FIZ1: variants seen among roughly 807,000 people sequenced by gnomAD.
FIZ1 encodes the protein flt3-interacting zinc finger protein 1.
A neutral mutation model predicts 5.3 loss-of-function variants in FIZ1; 2 were observed. The observed-to-expected ratio is 0.37, with a 90% CI of 0.15 to 1.18. The LOEUF is 1.18. Among genes scored for constraint, FIZ1 ranks in the 50% most tolerant of loss-of-function variants. The pLI, the probability that FIZ1 is intolerant of heterozygous loss-of-function variation, is 0.37. For missense variants in FIZ1, 631 were observed against 749.7 expected (o/e 0.84, Z 1.85); for synonymous variants, 407 against 364.2 (o/e 1.12, Z -1.34).
chr19:55,593,571 G>A lies in FIZ1; in HGVS notation c.370C>T (p.Arg124Cys). ...CCACGGTGCTGGCGCTTGAGGTGGC[G>A]GCCCAGGCTGGAGCGTGAGGAGAAG... ...LRFSSRSSLGRHLKRQHRGVL... is the reference protein window; with the variant it reads ...LRFSSRSSLGCHLKRQHRGVL... The change falls in exon 3 of 3, where the codon CGC becomes TGC. Residue 124 changes from arginine to cysteine, a missense_variant. This residue lies in a region of FIZ1 where 68 missense variants were observed against 163.4 expected (regional missense o/e 0.42). Transcript: ENST00000221665. This position sits in a 1 kb window ranked among gnomAD's most constrained non-coding sequence, Gnocchi z 6.3. 1 of 1,551,254 alleles carries A rather than the reference G, an allele frequency of 6.4e-7. No individual in the cohort carries two copies. Among genetic ancestry groups the A allele is most frequent in the Non-Finnish European group, 8.7e-7 (1 of 1,146,980 alleles).
In FIZ1 at chr19:55,592,692, AGCAGCCGAAGATCTTCTTGCCGCG is replaced by A; in HGVS notation, c.1225_1248del (p.Arg409_Cys416del). 6.2e-7 allele frequency: 1 copy of A among 1,613,128 alleles called. No individual in the cohort carries two copies. ...GAGCGGAACAGCTTCTCGCACTCGGAGCAGCCGAAGATCTTCTTGCCGCGGCCGGAGCCAGACGGGGGTTCCCCG... is the reference window on the plus strand; with the variant it reads ...GAGCGGAACAGCTTCTCGCACTCGGAGCCGGAGCCAGACGGGGGTTCCCCG... On this transcript the variant is annotated inframe_deletion, in exon 3 of 3. Transcript: ENST00000221665. The surrounding 1 kb of genome is among the most constrained non-coding windows in gnomAD (Gnocchi z 6.9).
At chr19:55,597,412 T>G (rs1207251076) in intron 2 of FIZ1, among the ~76,000 whole-genome samples, 160 bp downstream of exon 2, 1 of 152,034 alleles carries the variant, frequency 6.6e-6, no homozygotes, top group African/African-American at 2.4e-5. Context: ...CTTTCAAGGG[T>G]CAGGGTGCTT....
At chr19:55,596,562 A>G (rs1345716836) in intron 2 of FIZ1, among the ~76,000 whole-genome samples, 1 of 151,130 alleles carries the variant, frequency 6.6e-6, no homozygotes, top group Admixed American at 6.6e-5. Context: ...CCCAGGGAGG[A>G]TTCCTCACAC....
chr19:55,599,190 C>T (rs1395249024), intron 1 of FIZ1: 1 of 152,980 alleles, frequency 6.5e-6, no homozygotes, highest in Non-Finnish European at 1.5e-5. Context: ...CTTGCTCCGC[C>T]CCAGCAGCCA....
At chr19:55,597,285 G>A (rs1980370137) in intron 2 of FIZ1, among the ~76,000 whole-genome samples, 1 of 152,258 alleles carries the variant, frequency 6.6e-6, no homozygotes, top group Non-Finnish European at 1.5e-5. Context: ...AGATGCTGGT[G>A]CGTGCACGCG....
rs1980088541 is a variant in FIZ1, at chr19:55,592,847, G to A, written c.1094C>T (p.Ala365Val). ...CAAGGCGGCCAGCGCCGCGTACAGA[G>A]CCCCGCAGTGGCCGCAGCCGTAGGT... The part of the protein sequence containing the change: ...PATYGCGHCG[A>V]LYAALAALEE... The change falls in exon 3 of 3, where the codon GCT (alanine) becomes GTT (valine). Residue 365 changes from alanine to valine, a missense_variant. Transcript: ENST00000221665. This position sits in a 1 kb window ranked among gnomAD's most constrained non-coding sequence, Gnocchi z 6.9. 1 of 1,555,346 alleles carries A rather than the reference G, an allele frequency of 6.4e-7. No homozygotes were observed. Among genetic ancestry groups the A allele is most frequent in the Non-Finnish European group, 8.6e-7 (1 of 1,156,438 alleles).
intron 2 of FIZ1, 60 bp downstream of exon 2, chr19:55,597,512 C>T (rs891058209): frequency 5.7e-5 from 88 of 1,549,050 alleles, no homozygotes; most frequent in Non-Finnish European, 2.0e-5. Flanking sequence ...CAGTGGGGCG[C>T]GGGATCCCAC....
In FIZ1 at chr19:55,597,576, T is replaced by C; in HGVS notation, c.290A>G (p.His97Arg). The C allele has an allele frequency of 6.2e-7, 1 of 1,609,830 alleles. No homozygotes were observed. Among genetic ancestry groups the C allele is most frequent in the South Asian group, 1.1e-5 (1 of 90,934 alleles). Reference protein sequence around the residue: ...GFRDSTGLLHHQVVHTGEKPY... With the variant: ...GFRDSTGLLHRQVVHTGEKPY... ...GGGCCGGCCTGTGGGACTCACCTGG[T>C]GGTGCAGCAGGCCGGTGGAGTCGCG... Residue 97 changes from histidine (H) to arginine (R), a missense_variant, in exon 2 of 3, where the codon CAC (histidine) becomes CGC (arginine). By Grantham distance (29) the His-to-Arg change is conservative (BLOSUM62 0). Coordinates refer to ENST00000221665, the MANE Select transcript of FIZ1 (RefSeq NM_032836.3).
intron 2 of FIZ1, among the ~76,000 whole-genome samples, chr19:55,596,038 C>T (rs992799496): frequency 4.6e-5 from 7 of 152,204 alleles, no homozygotes; most frequent in Admixed American, 1.3e-4. Context: ...GAGAGCCTAG[C>T]ACTGTATCTA....
In FIZ1 at chr19:55,593,471, A is replaced by G. The variant is rs1980156403; in HGVS notation, c.470T>C (p.Val157Ala). The G allele has an allele frequency of 6.5e-7, 1 of 1,547,948 alleles. No individual in the cohort carries two copies. The highest frequency in any genetic ancestry group is 1.4e-5 in the African/African-American group (1 of 73,074). The change falls in exon 3 of 3, where the codon GTG becomes GCG. Residue 157 changes from valine (V) to alanine (A), a missense_variant. This residue lies in a region of FIZ1 where 463 missense variants were observed against 455.1 expected (regional missense o/e 1.02). Coordinates refer to ENST00000221665, the MANE Select transcript of FIZ1 (RefSeq NM_032836.3). This position sits in a 1 kb window ranked among gnomAD's most constrained non-coding sequence, Gnocchi z 6.3. ...LSAPCSVCCN[V>A]GPCSVCGGSG... ...GCCCCCGCACACCGAGCAGGGCCCCACATTGCAGCAGACGGAGCAGGGCGC... is the reference window on the plus strand; with the variant it reads ...GCCCCCGCACACCGAGCAGGGCCCCGCATTGCAGCAGACGGAGCAGGGCGC...
At chr19:55,595,350 CTCTTT>C (rs1443189137) in intron 2 of FIZ1, among the ~76,000 whole-genome samples, 1 of 152,142 alleles carries the variant, frequency 6.6e-6, no homozygotes, top group Non-Finnish European at 1.5e-5. Flanking sequence ...TCTCTCTCTA[CTCTTT>C]TAACACAACA....
rs1980023776 is a variant in FIZ1 at position 55,591,972 on chromosome 19, A to G, written c.*478T>C. On this transcript the variant is annotated 3_prime_UTR_variant, in exon 3 of 3. Transcript: ENST00000221665. Reference sequence around the variant, plus strand: ...ACTCTGGTGGGTGGCATTTGGAGGGATCTAGGAAAATTCAGGGACATGCTC... The same window carrying G: ...ACTCTGGTGGGTGGCATTTGGAGGGGTCTAGGAAAATTCAGGGACATGCTC... 6.3e-6 allele frequency: 1 copy of G among 157,954 alleles called. No homozygotes were observed. Among genetic ancestry groups the G allele is most frequent in the Non-Finnish European group, 1.4e-5 (1 of 72,208 alleles). 9.8% of individuals were successfully genotyped at this position (157,954 alleles called of 1,614,324 possible).
chr19:55,592,395 G>A lies in FIZ1; in HGVS notation c.*55C>T. The A allele has an allele frequency of 6.8e-7, 1 of 1,471,076 alleles. No homozygotes were observed. Among genetic ancestry groups the A allele is most frequent in the East Asian group, 2.5e-5 (1 of 40,344 alleles). 91.1% of individuals were successfully genotyped at this position (1,471,076 alleles called of 1,614,324 possible). On this transcript the variant is annotated 3_prime_UTR_variant, in exon 3 of 3. Transcript: ENST00000221665. This position sits in a 1 kb window ranked among gnomAD's most constrained non-coding sequence, Gnocchi z 6.9. ...TCACGCGCAGTCCCGAGGTCCCCTG[G>A]TCCAGGCCGAGTCCAGGAGGCTGGG...
intron 2 of FIZ1, 68 bp downstream of exon 2, chr19:55,597,504 G>A: frequency 1.3e-6 from 2 of 1,534,100 alleles, no homozygotes; most frequent in Non-Finnish European, 1.7e-6. Flanking sequence ...CCAGAGTACA[G>A]TGGGGCGCGG....
chr19:55,598,888 A>C (rs1599993987), intron 1 of FIZ1: 2 of 149,386 alleles, frequency 1.3e-5, no homozygotes, highest in Admixed American at 6.7e-5. Flanking sequence ...CTTAAACTCC[A>C]CCCCCCTCAC....
rs1239368271 is a variant in FIZ1 at position 55,591,450 on chromosome 19, CA to C, written c.*999del. The C allele has an allele frequency of 2.6e-5, 4 of 152,388 alleles. No individual in the cohort carries two copies. 9.4% of individuals were successfully genotyped at this position (152,388 alleles called of 1,614,324 possible). ...GACGAGGGGGCAAGGTCGAGGCTCA[CA>C]GGGGCACCCCCTAGCCAAATGCCCC... is the stretch of plus-strand genomic sequence containing the variant. On this transcript the variant is annotated 3_prime_UTR_variant, in exon 3 of 3. Transcript: ENST00000221665.
Position 55,597,911 on chromosome 19 carries a change from T to C in FIZ1, c.-36-10A>G. On this transcript the variant is annotated splice_polypyrimidine_tract_variant and intron_variant, in intron 1 of 2. Coordinates refer to ENST00000221665, the MANE Select transcript of FIZ1 (RefSeq NM_032836.3). Reference sequence around the variant, plus strand: ...TATGTGGGGGCTCTCTCTGGAGTAGTGGGGAGACAGAGGAGCAGGTGAGGG... The same window carrying C: ...TATGTGGGGGCTCTCTCTGGAGTAGCGGGGAGACAGAGGAGCAGGTGAGGG... 1.3e-6 allele frequency: 2 copies of C among 1,517,434 alleles called. No individual in the cohort carries two copies. Among genetic ancestry groups the C allele is most frequent in the Non-Finnish European group, 1.8e-6 (2 of 1,130,342 alleles). 94.0% of individuals were successfully genotyped at this position (1,517,434 alleles called of 1,614,324 possible).
At position 55,592,445 on chromosome 19, in the gene FIZ1, G is replaced by C. The variant is rs1257081609; in HGVS notation, c.*5C>G. 1 of 1,551,898 alleles carries C rather than the reference G, an allele frequency of 6.4e-7. No individual in the cohort carries two copies. Among genetic ancestry groups the C allele is most frequent in the South Asian group, 1.2e-5 (1 of 83,984 alleles). On this transcript the variant is annotated 3_prime_UTR_variant, in exon 3 of 3. Transcript: ENST00000221665. This position sits in a 1 kb window ranked among gnomAD's most constrained non-coding sequence, Gnocchi z 6.9. ...GTGGAGGGCAGGGCGCACGCAGCCT[G>C]GCAGTCAGTCCATGCCCCGGTGCAG...
intron 2 of FIZ1, among the ~76,000 whole-genome samples, chr19:55,595,462 G>A (rs535502651): frequency 1.8e-4 from 28 of 152,218 alleles, no homozygotes; most frequent in African/African-American, 6.7e-4. Flanking sequence ...AACCCTTCCC[G>A]GAATCTGGCC....
Sources: gnomAD v4.1 joint callset for allele counts (sites outside exome capture counted in the v4.1 genomes callset) on GRCh38, gnomAD v4.1.1 for gene constraint, gnomAD v4.1.1 regional missense constraint, Gnocchi (gnomAD v3.1) non-coding constraint, MANE v1.5 for transcripts, NCBI Gene and HGNC (gene_info 2026-07-23, HGNC 2026-07-21) for gene names.